BCAT2: variants seen among roughly 807,000 people sequenced by gnomAD.
BCAT2 encodes branched chain amino acid transaminase 2.
Under a neutral mutation model 52.9 loss-of-function variants are expected in BCAT2, and 44 were observed. That is an observed-to-expected ratio of 0.83 (90% confidence interval 0.65 to 1.07). The LOEUF (loss-of-function observed/expected upper bound fraction) is 1.07. BCAT2 is among the 50% of genes least tolerant of loss of function. BCAT2 has a pLI of 0.00. For synonymous variants in BCAT2, 215 were observed against 217.1 expected (o/e 0.99, Z 0.08); for missense variants, 478 against 521.8 (o/e 0.92, Z 0.82).
chr19:48,808,424 A>C, intron 1 of BCAT2: 1 of 282,104 alleles, frequency 3.5e-6, no homozygotes, highest in Non-Finnish European at 5.4e-6. Context: ...CAAAAACAGA[A>C]ATTGACGCCA....
At chr19:48,800,152 C>T in intron 4 of BCAT2, 35 bp downstream of exon 4, 1 of 1,612,616 alleles carries the variant, frequency 6.2e-7, no homozygotes. Flanking sequence ...CGGCCCCAGC[C>T]CTCCTCCCCA....
chr19:48,796,822 GA>G (rs2034533883), intron 8 of BCAT2, 104 bp from the exon 9 acceptor site: 1 of 1,592,472 alleles, frequency 6.3e-7, no homozygotes, highest in Non-Finnish European at 8.6e-7. Flanking sequence ...GGCCCAACGG[GA>G]GAGACAGACC....
intron 6 of BCAT2, among the ~76,000 whole-genome samples, chr19:48,798,530 C>G (rs922351770): frequency 6.6e-6 from 1 of 152,202 alleles, no homozygotes; most frequent in African/African-American, 2.4e-5. Flanking sequence ...ACACATGGTT[C>G]CCAGGACTGG....
At chr19:48,804,700 G>A (rs1224225430) in intron 3 of BCAT2, among the ~76,000 whole-genome samples, 6 of 152,114 alleles carry the variant, frequency 3.9e-5, no homozygotes, top group South Asian at 4.1e-4. Flanking sequence ...ACAGCAGTGC[G>A]TTCTGTCTGC....
Position 48,799,776 on chromosome 19 carries a change from A to C in BCAT2, c.594T>G (p.Gly198=). 1 of 1,570,154 alleles carries C rather than the reference A, an allele frequency of 6.4e-7. No homozygotes were observed. Residue 198 remains glycine, a synonymous_variant, in exon 6 of 11, where the codon GGT becomes GGG. Coordinates refer to ENST00000316273, the MANE Select transcript of BCAT2 (RefSeq NM_001190.4). This position sits in a 1 kb window ranked among gnomAD's most constrained non-coding sequence, Gnocchi z 5.5. ...TCACGGAGCCTCCAGGGAAGTAGGCACCCACTGGGCAGAGAATGACGAACA... is the reference window on the plus strand; with the variant it reads ...TCACGGAGCCTCCAGGGAAGTAGGCCCCCACTGGGCAGAGAATGACGAACA... ...ALLFVILCPV[G]AYFPGGSVTP...
At chr19:48,808,203 G>A (rs1325741684) in intron 1 of BCAT2, 3 of 986,034 alleles carry the variant, frequency 3.0e-6, no homozygotes, top group Admixed American at 1.2e-4. Context: ...TTTGGGTGGC[G>A]ACATCTAGAC....
At chr19:48,809,003 G>T (rs1307216895) in intron 1 of BCAT2, among the ~76,000 whole-genome samples, 4 of 133,014 alleles carry the variant, frequency 3.0e-5, no homozygotes, top group Non-Finnish European at 6.2e-5. Flanking sequence ...TGACCTACTG[G>T]TCAAGGCTGT....
rs558253027 is a variant in BCAT2, at chr19:48,800,132, C to T, written c.412-32G>A. The T allele has an allele frequency of 8.1e-5, 130 of 1,613,022 alleles. 1 individual carries two copies. In the South Asian group the frequency reaches 1.3e-3, roughly 16 times the overall value. ...GGGATTCTGAATGAGTCAAGGGGCC[C>T]TTGCTGCCCCGGCCCCAGCCCTCCT... On this transcript the variant is annotated intron_variant, in intron 4 of 10. Transcript: ENST00000316273.
At chr19:48,796,316 A>G (rs2034514319) in intron 10 of BCAT2, 112 bp downstream of exon 10, 2 of 1,352,826 alleles carry the variant, frequency 1.5e-6, no homozygotes, top group Admixed American at 1.8e-5. Context: ...AAAGGCCATT[A>G]TCTGTTCCTG....
chr19:48,796,185 T>G (rs2034508426), intron 10 of BCAT2: 11 of 533,402 alleles, frequency 2.1e-5, no homozygotes, highest in Admixed American at 7.1e-5. Context: ...CAGGAAGGGG[T>G]TTCCAAAGCT....
At chr19:48,802,529 C>G (rs562997386) in intron 3 of BCAT2, among the ~76,000 whole-genome samples, 1 of 143,122 alleles carries the variant, frequency 7.0e-6, no homozygotes, top group Non-Finnish European at 1.5e-5. Flanking sequence ...CTCACTGCAA[C>G]CTCCGCCTCC....
In BCAT2 at chr19:48,797,258, C is replaced by A; in HGVS notation, c.771G>T (p.Gly257=). 6.2e-7 allele frequency: 1 copy of A among 1,613,912 alleles called. No individual in the cohort carries two copies. Among genetic ancestry groups the A allele is most frequent in the Non-Finnish European group, 8.5e-7 (1 of 1,179,944 alleles). ...RGCEQVLWLY[G]PDHQLTEVGT... ...CCACCTCGGTGAGCTGGTGGTCGGGCCCATACAGCCAGAGGACCTGTTCAC... is the reference window on the plus strand; with the variant it reads ...CCACCTCGGTGAGCTGGTGGTCGGGACCATACAGCCAGAGGACCTGTTCAC... The change falls in exon 7 of 11, where the codon GGG becomes GGT. Residue 257 remains glycine, a synonymous_variant. Transcript: ENST00000316273.
In BCAT2 at chr19:48,796,215, C is replaced by T. The variant is rs532304274; in HGVS notation, c.1140+213G>A. ...AAAGCTGAAGACATATCCAGGGCTC[C>T]GGGAGCTCCCAGGAAAGGGTGATTT... On this transcript the variant is annotated intron_variant, in intron 10 of 10. Transcript: ENST00000316273. 2.1e-4 allele frequency: 132 copies of T among 618,158 alleles called. No homozygotes were observed. In the African/African-American group the frequency reaches 2.2e-3, roughly 10 times the overall value. 38.3% of individuals were successfully genotyped at this position (618,158 alleles called of 1,614,324 possible). A position where few individuals can be genotyped will look rare whatever the true frequency, so the allele number is the denominator to read the frequency against.
At chr19:48,796,777 A>C in intron 8 of BCAT2, 59 bp from the exon 9 acceptor site, 5 of 1,591,008 alleles carry the variant, frequency 3.1e-6, no homozygotes, top group Non-Finnish European at 4.3e-6. Flanking sequence ...GCAGACCTCC[A>C]CCTCTCCCTC....
Position 48,797,281 on chromosome 19 carries a change from C to G in BCAT2, c.748G>C (p.Glu250Gln). Residue 250 changes from glutamate to glutamine, a missense_variant, in exon 7 of 11, where the codon GAA becomes CAA. Coordinates refer to ENST00000316273, the MANE Select transcript of BCAT2 (RefSeq NM_001190.4). ...GGCCCATACAGCCAGAGGACCTGTTCACAGCCCCGCTTGAGTGCCTCCTGT... is the reference window on the plus strand; with the variant it reads ...GGCCCATACAGCCAGAGGACCTGTTGACAGCCCCGCTTGAGTGCCTCCTGT... ...VQQEALKRGC[E>Q]QVLWLYGPDH... is the part of the protein sequence containing the mutation. 1.5e-5 allele frequency: 24 copies of G among 1,614,110 alleles called. No individual in the cohort carries two copies. Among genetic ancestry groups the G allele is most frequent in the Non-Finnish European group, 2.0e-5 (24 of 1,180,020 alleles).
chr19:48,798,609 C>T (rs1440984871), intron 6 of BCAT2, among the ~76,000 whole-genome samples: 2 of 151,510 alleles, frequency 1.3e-5, no homozygotes, highest in Non-Finnish European at 2.9e-5. Flanking sequence ...GTTGAAGGGT[C>T]GCCTCCTCTG....
Position 48,800,277 on chromosome 19 carries a change from C to A in BCAT2, c.321G>T (p.Ala107=). Residue 107 remains alanine (A), a synonymous_variant, in exon 4 of 11, where the codon GCG becomes GCT. Transcript: ENST00000316273. ...YSLQLFEGMK[A]FKGKDQQVRL... is the part of the protein sequence containing the mutation. ...GCACCTGCTGGTCTTTGCCTTTGAA[C>A]GCCTTCATGCCCTCAAACAGCTGCG... 1 of 1,613,698 alleles carries A rather than the reference C, an allele frequency of 6.2e-7. No homozygotes were observed. The highest frequency in any genetic ancestry group is 2.2e-5 in the East Asian group (1 of 44,892).
chr19:48,803,411 C>A (rs1160665965), intron 3 of BCAT2, among the ~76,000 whole-genome samples: 1 of 151,892 alleles, frequency 6.6e-6, no homozygotes, highest in Non-Finnish European at 1.5e-5. Flanking sequence ...ACCTGCAGTC[C>A]CAGCTACTTG....
Position 48,795,221 on chromosome 19 carries a change from C to A in BCAT2, c.*205G>T. ...AAGGAGTAATGGGCGGACCTGAACC[C>A]GCGACGAGGGGCTGGGGGCCAAGAT... On this transcript the variant is annotated 3_prime_UTR_variant, in exon 11 of 11. Transcript: ENST00000316273. The A allele has an allele frequency of 1.6e-6, 1 of 643,968 alleles. No homozygotes were observed. The highest frequency in any genetic ancestry group is 2.7e-6 in the Non-Finnish European group (1 of 364,616). The allele number at this position is 643,968 out of a possible 1,614,324, so 39.9% of individuals were successfully genotyped here.
Sources: gnomAD v4.1 joint callset for allele counts (sites outside exome capture counted in the v4.1 genomes callset) on GRCh38, gnomAD v4.1.1 for gene constraint, Gnocchi (gnomAD v3.1) non-coding constraint, MANE v1.5 for transcripts, NCBI Gene and HGNC (gene_info 2026-07-23, HGNC 2026-07-21) for gene names.